The following CACNA2D3 variants were observed in gnomAD, a reference collection of about 807,000 sequenced individuals.
The protein encoded by CACNA2D3 is calcium voltage-gated channel auxiliary subunit alpha2delta 3, also known as voltage-dependent calcium channel subunit alpha-2/delta-3.
Under a neutral mutation model 160.6 loss-of-function variants are expected in CACNA2D3, and 60 were observed. The observed-to-expected ratio is 0.37, with a 90% CI of 0.30 to 0.46. The LOEUF (loss-of-function observed/expected upper bound fraction) is 0.46. CACNA2D3 is among the 20% of genes least tolerant of loss of function. The probability of loss-of-function intolerance (pLI) is 1.00; values close to 1 mark genes in which losing one functional copy is unlikely to be tolerated. For synonymous variants in CACNA2D3, 558 were observed against 492.9 expected (o/e 1.13, Z -1.75); for missense variants, 1,205 against 1,365.0 (o/e 0.88, Z 1.85).
Position 54,338,467 on chromosome 3 carries a change from C to CTGTGTGTGTGTGTGTGTGTG in CACNA2D3, c.321+17935_321+17954dup, listed in dbSNP as rs71074965. 2.2e-3 allele frequency among the ~76,000 whole-genome samples: 296 copies of CTGTGTGTGTGTGTGTGTGTG among 136,522 alleles called. 1 individual carries two copies. The highest frequency in any genetic ancestry group is 0.015 in the South Asian group (58 of 3,842). The allele number at this position is 136,522 out of a possible 152,430, so 89.6% of individuals were successfully genotyped here. A position where few individuals can be genotyped will look rare whatever the true frequency, so the allele number is the denominator to read the frequency against. On this transcript the variant is annotated intron_variant, in intron 3 of 37. Coordinates refer to ENST00000474759, the MANE Select transcript of CACNA2D3 (RefSeq NM_018398.3). ...TTATAGCTCTCTTCATCTCCCCTCCCTGTGTGTGTGTGTGTGTGTGTGTGT... is the reference window on the plus strand; with the variant it reads ...TTATAGCTCTCTTCATCTCCCCTCCCTGTGTGTGTGTGTGTGTGTGTGTGTGTGTGTGTGTGTGTGTGTGT...
intron 27 of CACNA2D3, among the ~76,000 whole-genome samples, chr3:54,912,919 G>A (rs1419175202): frequency 6.6e-6 from 1 of 152,050 alleles, no homozygotes; most frequent in African/African-American, 2.4e-5. Flanking sequence ...GAAGTTAAAT[G>A]TCCTCAGATA....
chr3:54,780,221 C>T (rs1054071586), intron 13 of CACNA2D3, among the ~76,000 whole-genome samples: 2 of 152,150 alleles, frequency 1.3e-5, no homozygotes, highest in Non-Finnish European at 2.9e-5. Flanking sequence ...TTTTGAAAAC[C>T]TAGCTGAATG....
chr3:54,379,022 A>G (rs1237605615), intron 3 of CACNA2D3, among the ~76,000 whole-genome samples: 7 of 151,990 alleles, frequency 4.6e-5, no homozygotes, highest in Non-Finnish European at 8.8e-5. Flanking sequence ...TCTGATGTAA[A>G]CTCTAGGCTT....
rs141508233 is a variant in CACNA2D3, at chr3:54,892,445, C to T, written c.2246+995C>T. The stretch of plus-strand genomic sequence containing the variant: ...TGAGGCCCTGACACCCACCATATAA[C>T]CTTACAAAACCAAGTCTGGTAAATG... On this transcript the variant is annotated intron_variant, in intron 25 of 37. Coordinates refer to ENST00000474759, the MANE Select transcript of CACNA2D3 (RefSeq NM_018398.3). Among the ~76,000 whole-genome samples, 10 of 152,218 alleles carry T rather than the reference C, an allele frequency of 6.6e-5. No homozygotes were observed. In the East Asian group the frequency reaches 1.9e-3, roughly 29 times the overall value.
intron 10 of CACNA2D3, among the ~76,000 whole-genome samples, chr3:54,635,505 T>C (rs1699351379): frequency 6.6e-6 from 1 of 151,950 alleles, no homozygotes; most frequent in Non-Finnish European, 1.5e-5. Flanking sequence ...ACAAGTTTTT[T>C]TGGGGGCACA....
chr3:55,074,495 T>TGAAACC lies in CACNA2D3; in HGVS notation c.*290_*295dup. 2.8e-6 allele frequency: 1 copy of TGAAACC among 352,734 alleles called. No individual in the cohort carries two copies. Among genetic ancestry groups the TGAAACC allele is most frequent in the East Asian group, 5.7e-5 (1 of 17,446 alleles). 21.9% of individuals were successfully genotyped at this position (352,734 alleles called of 1,614,324 possible). ...AGTGGTAGGCAGTGTCCCTTCTGCT[T>TGAAACC]GAAACCTATTGAAACCAATTTAAAA... On this transcript the variant is annotated 3_prime_UTR_variant, in exon 38 of 38. Transcript: ENST00000474759.
rs17054453 is a variant in CACNA2D3, at chr3:54,837,152, C to T, written c.1399-7C>T. The T allele has an allele frequency of 9.4e-4, 1,521 of 1,613,664 alleles. 16 individuals carry two copies. In the African/African-American group the frequency reaches 0.018, roughly 19 times the overall value. On this transcript the variant is annotated splice_region_variant and splice_polypyrimidine_tract_variant and intron_variant, in intron 14 of 37. Coordinates refer to ENST00000474759, the MANE Select transcript of CACNA2D3 (RefSeq NM_018398.3). ...TCCCCGGTAACTGGCTTTTCTCTTCCATCCAGCTGACTGATGATCAGGGCC... is the reference window on the plus strand; with the variant it reads ...TCCCCGGTAACTGGCTTTTCTCTTCTATCCAGCTGACTGATGATCAGGGCC...
intron 11 of CACNA2D3, among the ~76,000 whole-genome samples, chr3:54,660,142 T>A (rs1699941356): frequency 6.9e-6 from 1 of 145,122 alleles, no homozygotes; most frequent in South Asian, 2.4e-4. Flanking sequence ...CCTTTTGGTT[T>A]CTTTTTTTTT....
rs1553814033 is a variant in CACNA2D3 at position 54,736,033 on chromosome 3, ATG to A, written c.1168-16564_1168-16563del. 1.4e-3 allele frequency among the ~76,000 whole-genome samples: 82 copies of A among 59,148 alleles called. 5 individuals carry two copies. The highest frequency in any genetic ancestry group is 2.5e-3 in the Admixed American group (11 of 4,404). The allele number at this position is 59,148 out of a possible 152,430, so 38.8% of individuals were successfully genotyped here. On this transcript the variant is annotated intron_variant, in intron 11 of 37. Transcript: ENST00000474759. ...TATATATATACACATACATATATATATGTATATATATACACATACATATGTAT... is the reference window on the plus strand; with the variant it reads ...TATATATATACACATACATATATATATATATATATACACATACATATGTAT...
intron 30 of CACNA2D3, among the ~76,000 whole-genome samples, chr3:54,987,075 A>G (rs57530528): frequency 0.013 from 1,945 of 152,296 alleles, 38 homozygotes; most frequent in African/African-American, 0.044. Flanking sequence ...GGGGTAGGCC[A>G]TTAGAAGTCT....
At chr3:54,967,623 C>T (rs932327697) in intron 27 of CACNA2D3, among the ~76,000 whole-genome samples, 4 of 152,102 alleles carry the variant, frequency 2.6e-5, no homozygotes, top group South Asian at 2.1e-4. Context: ...TTCTTCTGAA[C>T]GCCTCTCAAG....
At chr3:54,442,253 C>T (rs13320237) in intron 4 of CACNA2D3, among the ~76,000 whole-genome samples, 47 of 152,136 alleles carry the variant, frequency 3.1e-4, no homozygotes, top group African/African-American at 1.0e-3. Flanking sequence ...TCTGAATGCT[C>T]ATGTGGCCTA....
At chr3:54,499,402 T>A (rs1310728943) in intron 4 of CACNA2D3, among the ~76,000 whole-genome samples, 3 of 152,176 alleles carry the variant, frequency 2.0e-5, no homozygotes, top group Non-Finnish European at 4.4e-5. Context: ...TTTAATTTCA[T>A]TGATTTCTGC....
chr3:54,342,926 CG>C (rs1345465433), intron 3 of CACNA2D3, among the ~76,000 whole-genome samples: 1 of 152,016 alleles, frequency 6.6e-6, no homozygotes, highest in Non-Finnish European at 1.5e-5. Flanking sequence ...GCATGAGGCC[CG>C]GGGGGGCCCG....
intron 11 of CACNA2D3, among the ~76,000 whole-genome samples, chr3:54,654,203 A>C (rs1055290891): frequency 1.3e-5 from 2 of 152,028 alleles, no homozygotes; most frequent in Non-Finnish European, 2.9e-5. Flanking sequence ...GTCTTGCCAA[A>C]AGTGATTCGT....
chr3:54,307,666 G>T (rs1315035806), intron 2 of CACNA2D3, among the ~76,000 whole-genome samples: 1 of 152,170 alleles, frequency 6.6e-6, no homozygotes, highest in Non-Finnish European at 1.5e-5. Context: ...TCAGATGCAG[G>T]TTCCTAACTC....
At chr3:54,958,589 G>T (rs1701959266) in intron 27 of CACNA2D3, among the ~76,000 whole-genome samples, 1 of 152,174 alleles carries the variant, frequency 6.6e-6, no homozygotes, top group Non-Finnish European at 1.5e-5. Context: ...TAAAGCAATA[G>T]TTATTATCTT....
chr3:54,477,401 G>A (rs181562162), intron 4 of CACNA2D3, among the ~76,000 whole-genome samples: 51 of 152,124 alleles, frequency 3.4e-4, no homozygotes, highest in South Asian at 8.3e-4. Flanking sequence ...ACTGCCTCCC[G>A]TTACAGTGTA....
chr3:54,354,957 C>A (rs1217342259), intron 3 of CACNA2D3, among the ~76,000 whole-genome samples: 1 of 152,194 alleles, frequency 6.6e-6, no homozygotes, highest in Non-Finnish European at 1.5e-5. Context: ...CGTTTTTATT[C>A]CTTCAACAAA....
Sources: allele counts gnomAD v4.1 joint callset (sites outside exome capture counted in the v4.1 genomes callset), GRCh38; gene constraint gnomAD v4.1.1; transcripts MANE v1.5; gene names NCBI Gene and HGNC (gene_info 2026-07-23, HGNC 2026-07-21).